TBC1D32: variants seen among roughly 807,000 people sequenced by gnomAD.
TBC1D32 encodes TBC1 domain family member 32.
In TBC1D32, 151 loss-of-function variants were observed where a neutral mutation model predicts 170.3. That is an observed-to-expected ratio of 0.89 (90% CI 0.78 to 1.01). The LOEUF (loss-of-function observed/expected upper bound fraction) is 1.01. Ranked by LOEUF, TBC1D32 falls within the 50% of genes least tolerant of loss-of-function variation. The pLI, the probability that TBC1D32 is intolerant of heterozygous loss-of-function variation, is 0.00. For missense variants in TBC1D32, 1,464 were observed against 1,457.1 expected, an observed-to-expected ratio of 1.00 and a Z score of -0.08; for synonymous variants, 498 against 488.0, an observed-to-expected ratio of 1.02 and a Z score of -0.27.
At chr6:121,243,112 T>G (rs1459095421) in intron 17 of TBC1D32, among the ~76,000 whole-genome samples, 2 of 151,858 alleles carry the variant, frequency 1.3e-5, no homozygotes, top group African/African-American at 4.8e-5. Flanking sequence ...AATGAAAATT[T>G]TATCCATCTA....
chr6:121,283,722 C>G, intron 13 of TBC1D32, 96 bp downstream of exon 13: 1 of 848,776 alleles, frequency 1.2e-6, no homozygotes, highest in Non-Finnish European at 1.8e-6. Context: ...ACCTACTTAC[C>G]AAAGTAGGTC....
At chr6:121,262,076 G>GA (rs1799837679) in intron 15 of TBC1D32, among the ~76,000 whole-genome samples, 1 of 152,006 alleles carries the variant, frequency 6.6e-6, no homozygotes, top group Admixed American at 6.6e-5. Flanking sequence ...CAGGCTTAGA[G>GA]AAAAAAGAGT....
chr6:121,286,297 C>G (rs955159077), intron 12 of TBC1D32, among the ~76,000 whole-genome samples: 2 of 152,070 alleles, frequency 1.3e-5, no homozygotes, highest in Admixed American at 1.3e-4. Flanking sequence ...CCTTAAAGGA[C>G]CTGATGGAGC....
intron 26 of TBC1D32, among the ~76,000 whole-genome samples, chr6:121,117,679 G>A (rs1582840814): frequency 1.3e-5 from 2 of 151,822 alleles, no homozygotes; most frequent in South Asian, 2.1e-4. Flanking sequence ...TCCAGCCTGC[G>A]TGACAGAGTG....
At chr6:121,174,704 G>C (rs965981057) in intron 22 of TBC1D32, among the ~76,000 whole-genome samples, 9 of 152,248 alleles carry the variant, frequency 5.9e-5, no homozygotes, top group Admixed American at 3.9e-4. Flanking sequence ...TCAAGACATA[G>C]ACTCTAATAC....
chr6:121,287,480 C>T (rs1340300856), intron 12 of TBC1D32, among the ~76,000 whole-genome samples: 1 of 152,144 alleles, frequency 6.6e-6, no homozygotes, highest in East Asian at 1.9e-4. Flanking sequence ...GCACCCAATA[C>T]AGGAGCACCC....
At chr6:121,318,434 A>G (rs1019694648) in intron 2 of TBC1D32, among the ~76,000 whole-genome samples, 4 of 152,122 alleles carry the variant, frequency 2.6e-5, no homozygotes, top group African/African-American at 9.6e-5. Context: ...AGAGCTAGAA[A>G]GAACCATAAA....
intron 22 of TBC1D32, among the ~76,000 whole-genome samples, chr6:121,199,719 A>G (rs1791294841): frequency 1.3e-5 from 2 of 151,224 alleles, no homozygotes; most frequent in Non-Finnish European, 2.9e-5. Flanking sequence ...TCTGATATTA[A>G]AAAAAGATTA....
chr6:121,258,087 T>C (rs1799280876), intron 15 of TBC1D32, among the ~76,000 whole-genome samples: 1 of 152,072 alleles, frequency 6.6e-6, no homozygotes, highest in East Asian at 1.9e-4. Flanking sequence ...TTTAGGTTTC[T>C]TATTTAACCT....
rs1191358364 is a variant in TBC1D32 at position 121,192,081 on chromosome 6, T to TATATATATATATATATATCTCC, written c.2570+12993_2570+12994insGGAGATATATATATATATATAT. 1.9e-4 allele frequency among the ~76,000 whole-genome samples: 25 copies of TATATATATATATATATATCTCC among 132,490 alleles called. 2 individuals are homozygous for TATATATATATATATATATCTCC. Among genetic ancestry groups the TATATATATATATATATATCTCC allele is most frequent in the Admixed American group, 1.8e-3 (18 of 9,932 alleles). 86.9% of individuals were successfully genotyped at this position (132,490 alleles called of 152,430 possible). ...AAACTACCCTTTATATATATATATATATCCTATTAGTTCTATCCTTCTGGG... is the reference window on the plus strand; with the variant it reads ...AAACTACCCTTTATATATATATATATATATATATATATATATATCTCCATCCTATTAGTTCTATCCTTCTGGG... On this transcript the variant is annotated intron_variant, in intron 22 of 31. Transcript: ENST00000398212.
intron 17 of TBC1D32, among the ~76,000 whole-genome samples, chr6:121,243,652 G>T (rs1292323778): frequency 6.6e-6 from 1 of 151,698 alleles, no homozygotes; most frequent in African/African-American, 2.4e-5. Context: ...CAAGCAGACA[G>T]ATTTTTTTTT....
chr6:121,242,465 TAATC>T, intron 17 of TBC1D32, 126 bp from the exon 18 acceptor site: 1 of 818,612 alleles, frequency 1.2e-6, no homozygotes, highest in Non-Finnish European at 1.9e-6. Flanking sequence ...GGTTGCAAAT[TAATC>T]AATAAAGGTT....
At chr6:121,333,399 A>T (rs1811449003) in intron 1 of TBC1D32, among the ~76,000 whole-genome samples, 1 of 152,196 alleles carries the variant, frequency 6.6e-6, no homozygotes, top group Non-Finnish European at 1.5e-5. Flanking sequence ...TCCCACACGC[A>T]GAGCACTCTG....
intron 23 of TBC1D32, among the ~76,000 whole-genome samples, chr6:121,160,488 C>T (rs1013130627): frequency 6.9e-6 from 1 of 145,298 alleles, no homozygotes; most frequent in African/African-American, 2.4e-5. Context: ...CCGAGAGTGA[C>T]AGTCAAAGCA....
chr6:121,222,858 G>GA (rs1337452245), intron 21 of TBC1D32, among the ~76,000 whole-genome samples: 3 of 152,158 alleles, frequency 2.0e-5, no homozygotes, highest in Non-Finnish European at 4.4e-5. Context: ...AATATAAGCA[G>GA]AAAACGCAGT....
chr6:121,100,557 T>C (rs1169306758), intron 30 of TBC1D32, among the ~76,000 whole-genome samples: 1 of 152,020 alleles, frequency 6.6e-6, no homozygotes, highest in African/African-American at 2.4e-5. Flanking sequence ...AGACACAACA[T>C]ACCAGAATCT....
At chr6:121,214,173 T>C (rs1434480270) in intron 21 of TBC1D32, among the ~76,000 whole-genome samples, 1 of 152,028 alleles carries the variant, frequency 6.6e-6, no homozygotes, top group Non-Finnish European at 1.5e-5. Context: ...AACCCAAAAC[T>C]ATAAAAACCC....
At chr6:121,170,580 A>G in intron 22 of TBC1D32, 2 of 1,352,626 alleles carry the variant, frequency 1.5e-6, no homozygotes, top group Non-Finnish European at 1.9e-6. Flanking sequence ...TCCCAAAAGC[A>G]TAATTACATC....
At chr6:121,334,630 G>T, upstream of TBC1D32, 1 of 630,614 alleles carries the variant, frequency 1.6e-6, no homozygotes, top group Non-Finnish European at 2.7e-6. Context: ...TGGGGAAGCA[G>T]GGGTCCGCGA....
Sources: allele counts gnomAD v4.1 joint callset (sites outside exome capture counted in the v4.1 genomes callset), GRCh38; gene constraint gnomAD v4.1.1; transcripts MANE v1.5; gene names NCBI Gene and HGNC (gene_info 2026-07-23, HGNC 2026-07-21).